C6: variants seen among roughly 807,000 people sequenced by gnomAD.
The protein encoded by C6 is complement component C6.
A neutral mutation model predicts 112.9 loss-of-function variants in C6; 101 were observed. The observed-to-expected ratio is 0.89, with a 90% CI of 0.76 to 1.06. The LOEUF (loss-of-function observed/expected upper bound fraction) is 1.06, where lower values mean the gene tolerates loss of function less well. Ranked by LOEUF, C6 falls within the 50% of genes least tolerant of loss-of-function variation. The pLI, the probability that C6 is intolerant of heterozygous loss-of-function variation, is 0.00. For synonymous variants in C6, 431 were observed against 384.1 expected, an observed-to-expected ratio of 1.12 and a Z score of -1.43; for missense variants, 1,202 against 1,104.6, an observed-to-expected ratio of 1.09 and a Z score of -1.25.
chr5:41,145,125 G>T lies in C6; in HGVS notation c.2624-2119C>A, dbSNP rs1235974335. 2.0e-5 allele frequency among the ~76,000 whole-genome samples: 3 copies of T among 152,164 alleles called. No homozygotes were observed. The East Asian group carries it at 5.8e-4, about 29-fold the overall frequency. ...AGTAATGGGAATGCTGGGTCAAATG[G>T]TAATTATGTTTTAAGTCCTTCAAGG... On this transcript the variant is annotated intron_variant, in intron 17 of 17. Coordinates refer to ENST00000337836, the MANE Select transcript of C6 (RefSeq NM_000065.5).
intron 1 of C6, among the ~76,000 whole-genome samples, chr5:41,222,373 C>G (rs1049634670): frequency 1.3e-5 from 2 of 151,736 alleles, no homozygotes; most frequent in Non-Finnish European, 1.5e-5. Context: ...TTAAATATTA[C>G]ATTTAACTTG....
chr5:41,223,393 C>A (rs747258127), intron 1 of C6, among the ~76,000 whole-genome samples: 17 of 152,174 alleles, frequency 1.1e-4, no homozygotes, highest in Non-Finnish European at 2.2e-4. Context: ...ACAACAATTA[C>A]ACAATAGGCT....
chr5:41,174,876 TAG>T (rs1748710583), intron 8 of C6, among the ~76,000 whole-genome samples: 1 of 152,188 alleles, frequency 6.6e-6, no homozygotes, highest in Non-Finnish European at 1.5e-5. Context: ...CATATTTATC[TAG>T]AGAGTTGGGA....
chr5:41,254,598 T>C (rs116545403), intron 1 of C6, among the ~76,000 whole-genome samples: 1,656 of 152,302 alleles, frequency 0.011, 29 homozygotes, highest in African/African-American at 0.038. Context: ...GATAACTCCC[T>C]TTACAGAACC....
chr5:41,200,901 T>G (rs1470975932), intron 3 of C6, among the ~76,000 whole-genome samples: 2 of 143,696 alleles, frequency 1.4e-5, no homozygotes, highest in East Asian at 4.0e-4. Context: ...GTTTTTTTTT[T>G]TTTTTTTTTT....
intron 1 of C6, among the ~76,000 whole-genome samples, chr5:41,242,052 AC>A (rs1740743469): frequency 6.6e-6 from 1 of 152,224 alleles, no homozygotes; most frequent in South Asian, 2.1e-4. Context: ...AAAGTTTAAG[AC>A]TTTTTTCCTC....
intron 17 of C6, among the ~76,000 whole-genome samples, chr5:41,147,502 G>T (rs1745940646): frequency 6.6e-6 from 1 of 152,126 alleles, no homozygotes; most frequent in African/African-American, 2.4e-5. Flanking sequence ...ACCTTAAGTG[G>T]ATCGGAAAAG....
chr5:41,168,339 G>A (rs1243103390), intron 9 of C6, among the ~76,000 whole-genome samples: 1 of 152,118 alleles, frequency 6.6e-6, no homozygotes, highest in East Asian at 1.9e-4. Context: ...AAGAGCAAAG[G>A]TCTTGGAAAT....
At chr5:41,204,735 T>G (rs953121735) in intron 1 of C6, among the ~76,000 whole-genome samples, 1 of 147,720 alleles carries the variant, frequency 6.8e-6, no homozygotes, top group Non-Finnish European at 1.5e-5. Flanking sequence ...AGTGGTGTGA[T>G]CTCGGCTCAC....
intron 9 of C6, among the ~76,000 whole-genome samples, chr5:41,165,262 G>A (rs1747880866): frequency 6.6e-6 from 1 of 152,096 alleles, no homozygotes; most frequent in East Asian, 1.9e-4. Context: ...TGATCCATGT[G>A]TGTGCATATT....
Position 41,158,928 on chromosome 5 carries a change from G to A in C6, c.1857-143C>T, listed in dbSNP as rs2150260181. On this transcript the variant is annotated intron_variant, in intron 12 of 17. Coordinates refer to ENST00000337836, the MANE Select transcript of C6 (RefSeq NM_000065.5). ...AACATTACACACAGAAAAAGGCACG[G>A]CAGTAGACCCAGTGGCTCATTAATA... is the stretch of plus-strand genomic sequence containing the variant. 7.2e-6 allele frequency: 8 copies of A among 1,105,374 alleles called. No individual in the cohort carries two copies. The South Asian group carries it at 8.8e-5, about 12-fold the overall frequency. 68.5% of individuals were successfully genotyped at this position (1,105,374 alleles called of 1,614,324 possible).
rs753663637 is a variant in C6 at position 41,172,313 on chromosome 5, C to A, written c.1203G>T (p.Arg401Ser). Residue 401 changes from arginine to serine, a missense_variant, in exon 9 of 18, where the codon AGG becomes AGT. Physicochemically the swap from Arg to Ser is moderately radical, Grantham distance 110. Coordinates refer to ENST00000337836, the MANE Select transcript of C6 (RefSeq NM_000065.5). ...LTEEEAKHCVRIETKKRVLFA... is the reference protein window; with the variant it reads ...LTEEEAKHCVSIETKKRVLFA... ...ATAAAACGCGTTTCTTTGTTTCAAT[C>A]CTGACACAGTGTTTGGCTTCTTCCT... 1.8e-5 allele frequency: 29 copies of A among 1,613,466 alleles called. No individual in the cohort carries two copies. Among genetic ancestry groups the A allele is most frequent in the Non-Finnish European group, 2.4e-5 (28 of 1,179,620 alleles).
rs398122811 is a variant in C6 at position 41,201,620 on chromosome 5, TG to T, written c.237del (p.Ile80SerfsTer43). 1.2e-6 allele frequency: 2 copies of T among 1,613,740 alleles called. No homozygotes were observed. Among genetic ancestry groups the T allele is most frequent in the East Asian group, 2.2e-5 (1 of 44,784 alleles). On this transcript the variant is annotated frameshift_variant, in exon 3 of 18. Coordinates refer to ENST00000337836, the MANE Select transcript of C6 (RefSeq NM_000065.5). LOFTEE classifies it high-confidence loss of function. ...CCAAAATCTCCCAGGAGGCAGTTGATGGGGCATCTTTGCCAGTTACATTCTC... is the reference window on the plus strand; with the variant it reads ...CCAAAATCTCCCAGGAGGCAGTTGATGGGCATCTTTGCCAGTTACATTCTC... ...ETRECNWQRC[P>X]INCLLGDFGP...
In C6 at chr5:41,172,314, C is replaced by T. The variant is rs771064109; in HGVS notation, c.1202G>A (p.Arg401Lys). 1.1e-5 allele frequency: 17 copies of T among 1,613,308 alleles called. No individual in the cohort carries two copies. In the African/African-American group the frequency reaches 1.7e-4, roughly 16 times the overall value. The change falls in exon 9 of 18, where the codon AGG becomes AAG. Residue 401 changes from arginine to lysine, a missense_variant. Arg to Lys is a conservative substitution (Grantham distance 26). Coordinates refer to ENST00000337836, the MANE Select transcript of C6 (RefSeq NM_000065.5). ...TAAAACGCGTTTCTTTGTTTCAATC[C>T]TGACACAGTGTTTGGCTTCTTCCTC... is the stretch of plus-strand genomic sequence containing the variant. The part of the protein sequence containing the change: ...LTEEEAKHCV[R>K]IETKKRVLFA...
At chr5:41,229,619 T>C (rs1739759911) in intron 1 of C6, among the ~76,000 whole-genome samples, 1 of 152,160 alleles carries the variant, frequency 6.6e-6, no homozygotes, top group Non-Finnish European at 1.5e-5. Flanking sequence ...TCAGTAACGT[T>C]CAGTGTGTGC....
intron 1 of C6, among the ~76,000 whole-genome samples, chr5:41,251,911 G>T (rs1333712157): frequency 4.6e-5 from 7 of 152,178 alleles, no homozygotes; most frequent in African/African-American, 1.7e-4. Context: ...TAAGGGAAAA[G>T]ATATGGTTGG....
At chr5:41,187,860 C>T (rs1561145584) in intron 5 of C6, among the ~76,000 whole-genome samples, 3 of 152,088 alleles carry the variant, frequency 2.0e-5, no homozygotes, top group Admixed American at 2.0e-4. Context: ...TACTATCTCT[C>T]CCATTTTTTC....
chr5:41,199,231 T>A (rs1750827881), intron 4 of C6, among the ~76,000 whole-genome samples: 1 of 152,206 alleles, frequency 6.6e-6, no homozygotes, highest in African/African-American at 2.4e-5. Context: ...ATTTCATTCA[T>A]CTGAAATTTA....
chr5:41,259,863 C>T (rs773682949), intron 1 of C6, among the ~76,000 whole-genome samples: 35 of 152,296 alleles, frequency 2.3e-4, no homozygotes, highest in African/African-American at 7.2e-4. Context: ...CATTATGATG[C>T]GTCAGTTCTT....
Sources: allele counts gnomAD v4.1 joint callset (sites outside exome capture counted in the v4.1 genomes callset), GRCh38; gene constraint gnomAD v4.1.1; transcripts MANE v1.5; gene names NCBI Gene and HGNC (gene_info 2026-07-23, HGNC 2026-07-21).